The following SNX25 variants were observed in gnomAD, a reference collection of about 807,000 sequenced individuals.
The protein encoded by SNX25 is sorting nexin-25.
A neutral mutation model predicts 113.7 loss-of-function variants in SNX25; 62 were observed. The observed-to-expected ratio is 0.55, with a 90% CI of 0.44 to 0.67. The LOEUF (loss-of-function observed/expected upper bound fraction) is 0.67. SNX25 is among the 30% of genes least tolerant of loss of function. The probability of loss-of-function intolerance (pLI) is 0.00; values close to 1 mark genes in which losing one functional copy is unlikely to be tolerated. For synonymous variants in SNX25, 421 were observed against 436.2 expected, an observed-to-expected ratio of 0.97 and a Z score of 0.43; for missense variants, 1,014 against 1,161.0, an observed-to-expected ratio of 0.87 and a Z score of 1.84.
upstream of SNX25, chr4:185,209,512 A>T: frequency 6.3e-6 from 1 of 159,788 alleles, no homozygotes; most frequent in South Asian, 2.0e-4. The surrounding 1 kb of genome is among the most constrained non-coding windows in gnomAD (Gnocchi z 5.2). Context: ...CCCGGCTGTC[A>T]CTCAGCGGCC....
chr4:185,243,203 T>A, intron 1 of SNX25, among the ~76,000 whole-genome samples: 1 of 152,354 alleles, frequency 6.6e-6, no homozygotes, highest in East Asian at 1.9e-4. Context: ...AAAATACTTA[T>A]AAAATTTGCT....
At chr4:185,276,622 C>T (rs752404459) in intron 5 of SNX25, among the ~76,000 whole-genome samples, 26 of 152,078 alleles carry the variant, frequency 1.7e-4, no homozygotes, top group Non-Finnish European at 3.4e-4. Flanking sequence ...ATGGCTTGAG[C>T]CCAGGAGTTT....
At chr4:185,368,185 A>G (rs1256282505), downstream of SNX25, among the ~76,000 whole-genome samples, 1 of 152,220 alleles carries the variant, frequency 6.6e-6, no homozygotes, top group African/African-American at 2.4e-5. Flanking sequence ...CTCAAAAAAA[A>G]GAAAACTTTC....
At chr4:185,329,821 G>C (rs2095181781) in intron 9 of SNX25, among the ~76,000 whole-genome samples, 2 of 152,106 alleles carry the variant, frequency 1.3e-5, no homozygotes, top group Non-Finnish European at 2.9e-5. Context: ...AGTAGCCCCA[G>C]CCTGAGCCTC....
Position 185,342,951 on chromosome 4 carries a change from C to T in SNX25, c.2187+835C>T, listed in dbSNP as rs112064968. On this transcript the variant is annotated intron_variant, in intron 12 of 18. Transcript: ENST00000652585. The stretch of plus-strand genomic sequence containing the variant: ...TGTCGCCCAGGCTGGAGTCCAGTGG[C>T]GTGATGTCAGCTCACTGCAACCTCC... Among the ~76,000 whole-genome samples, 22 of 152,200 alleles carry T rather than the reference C, an allele frequency of 1.4e-4. 1 individual carries two copies. Among genetic ancestry groups the T allele is most frequent in the South Asian group, 4.1e-4 (2 of 4,824 alleles).
At chr4:185,361,896 C>T in intron 16 of SNX25, 28 bp from the exon 17 acceptor site, 1 of 1,609,136 alleles carries the variant, frequency 6.2e-7, no homozygotes, top group South Asian at 1.1e-5. Flanking sequence ...TTAAAAACCT[C>T]ATCCAAGAAA....
At chr4:185,238,355 T>G (rs2126441070) in intron 1 of SNX25, among the ~76,000 whole-genome samples, 1 of 152,202 alleles carries the variant, frequency 6.6e-6, no homozygotes, top group East Asian at 1.9e-4. Context: ...GTGACACTGT[T>G]GCTCATGTCA....
At chr4:185,322,266 A>G (rs2095126069) in intron 8 of SNX25, among the ~76,000 whole-genome samples, 2 of 152,170 alleles carry the variant, frequency 1.3e-5, no homozygotes, top group South Asian at 4.1e-4. Context: ...CCCTGTCTCT[A>G]CTAAAAATAC....
chr4:185,205,983 C>T (rs142689981), upstream of SNX25, among the ~76,000 whole-genome samples: 12 of 152,188 alleles, frequency 7.9e-5, 1 homozygote, highest in East Asian at 9.6e-4. Context: ...AATGAGATAC[C>T]GATGGCTTTA....
chr4:185,320,904 G>A (rs749250677), intron 8 of SNX25, 40 bp downstream of exon 8: 22 of 1,509,880 alleles, frequency 1.5e-5, no homozygotes, highest in Non-Finnish European at 1.9e-5. Context: ...ATCACTAGCT[G>A]ATGTAAACTT....
At chr4:185,328,673 G>GAT (rs1417690314) in intron 9 of SNX25, among the ~76,000 whole-genome samples, 1 of 152,204 alleles carries the variant, frequency 6.6e-6, no homozygotes, top group Admixed American at 6.5e-5. Flanking sequence ...AATTCCCTGT[G>GAT]ATAATGAGAG....
At chr4:185,321,828 T>C (rs3108225) in intron 8 of SNX25, among the ~76,000 whole-genome samples, 4,094 of 152,284 alleles carry the variant, frequency 0.027, 163 homozygotes, top group African/African-American at 0.089. Context: ...TTTTTCCTTG[T>C]CATTATTTCC....
chr4:185,362,569 A>G, intron 17 of SNX25, 42 bp from the exon 18 acceptor site: 1 of 1,568,660 alleles, frequency 6.4e-7, no homozygotes, highest in Non-Finnish European at 8.8e-7. Context: ...TGCACTGAGC[A>G]CTTTATCAAT....
At chr4:185,256,422 GA>G (rs1420859237) in intron 2 of SNX25, among the ~76,000 whole-genome samples, 2 of 151,916 alleles carry the variant, frequency 1.3e-5, no homozygotes, top group Admixed American at 6.6e-5. Flanking sequence ...CTGGAAATGT[GA>G]AAAAACATTG....
chr4:185,361,423 C>T (rs574312899), intron 16 of SNX25, among the ~76,000 whole-genome samples: 30 of 152,172 alleles, frequency 2.0e-4, no homozygotes, highest in Non-Finnish European at 3.1e-4. Context: ...CCAGGAATAA[C>T]TGCTCATGCA....
chr4:185,374,071 A>G (rs1221557787), downstream of SNX25: 34 of 1,348,664 alleles, frequency 2.5e-5, no homozygotes, highest in Non-Finnish European at 3.4e-5. Context: ...ATTTTCTCAA[A>G]AAAAGCAGTG....
At chr4:185,362,786 G>T in intron 18 of SNX25, 75 bp downstream of exon 18, 1 of 1,080,012 alleles carries the variant, frequency 9.3e-7, no homozygotes. Context: ...AAAAACATGT[G>T]CCCCAGTGGC....
chr4:185,294,755 C>G (rs1287870381), intron 6 of SNX25, among the ~76,000 whole-genome samples: 3 of 152,010 alleles, frequency 2.0e-5, no homozygotes, highest in African/African-American at 7.2e-5. Context: ...TGCTGTCTCC[C>G]CATTAAAGTT....
intron 9 of SNX25, among the ~76,000 whole-genome samples, chr4:185,325,091 T>C (rs543934043): frequency 1.3e-5 from 2 of 152,340 alleles, no homozygotes; most frequent in African/African-American, 2.4e-5. Flanking sequence ...TGGTATTCCC[T>C]TAGCTTTTTA....
Sources: allele counts gnomAD v4.1 joint callset (sites outside exome capture counted in the v4.1 genomes callset), GRCh38; gene constraint gnomAD v4.1.1; non-coding constraint Gnocchi (gnomAD v3.1); transcripts MANE v1.5; gene names NCBI Gene and HGNC (gene_info 2026-07-23, HGNC 2026-07-21).